The following CCDC148 variants were observed in gnomAD, a reference collection of about 807,000 sequenced individuals.
CCDC148 encodes coiled-coil domain-containing protein 148.
A neutral mutation model predicts 85.7 loss-of-function variants in CCDC148; 89 were observed. That is an observed-to-expected ratio of 1.04 (90% CI 0.87 to 1.24). The LOEUF is 1.24. CCDC148 is among the 50% of genes most tolerant of loss of function. The pLI is 0.00. For missense variants in CCDC148, 692 were observed against 671.7 expected (o/e 1.03, Z -0.33); for synonymous variants, 230 against 213.9 (o/e 1.08, Z -0.66).
At chr2:158,351,453 C>T (rs1040505568) in intron 2 of CCDC148, among the ~76,000 whole-genome samples, 116 of 64,094 alleles carry the variant, frequency 1.8e-3, no homozygotes, top group Admixed American at 3.0e-3. Context: ...GTTCCCTTTC[C>T]GAGTCAAAGA....
At chr2:158,397,825 C>T (rs1685595315) in intron 1 of CCDC148, among the ~76,000 whole-genome samples, 1 of 152,072 alleles carries the variant, frequency 6.6e-6, no homozygotes, top group Non-Finnish European at 1.5e-5. Flanking sequence ...AATTAAGAGA[C>T]ACAGACTAGC....
chr2:158,390,764 C>A (rs76664154), intron 1 of CCDC148, among the ~76,000 whole-genome samples: 8,297 of 152,202 alleles, frequency 0.055, 427 homozygotes, highest in African/African-American at 0.13. Flanking sequence ...TTTTGCGCTA[C>A]CTTTTTCGGC....
intron 1 of CCDC148, among the ~76,000 whole-genome samples, chr2:158,422,663 A>T (rs1443288291): frequency 6.6e-6 from 1 of 152,200 alleles, no homozygotes; most frequent in Admixed American, 6.5e-5. Context: ...ATTCCCTTTG[A>T]AAACTGGCAC....
At chr2:158,189,353 T>C (rs909804720) in intron 11 of CCDC148, among the ~76,000 whole-genome samples, 5 of 151,906 alleles carry the variant, frequency 3.3e-5, no homozygotes, top group Admixed American at 6.6e-5. Flanking sequence ...ACATCTTCTA[T>C]GTGTAAGGAA....
intron 1 of CCDC148, among the ~76,000 whole-genome samples, chr2:158,387,088 C>T (rs941218000): frequency 1.7e-4 from 26 of 152,100 alleles, no homozygotes; most frequent in African/African-American, 6.3e-4. Context: ...TCTGTCACAA[C>T]ATAATTTTCC....
intron 9 of CCDC148, among the ~76,000 whole-genome samples, chr2:158,282,462 C>A (rs191421810): frequency 3.3e-5 from 5 of 152,326 alleles, no homozygotes; most frequent in East Asian, 1.9e-4. Flanking sequence ...ACAAAAATCA[C>A]AAGCATTCCC....
At chr2:158,438,974 C>T (rs1157422577) in intron 1 of CCDC148, among the ~76,000 whole-genome samples, 3 of 152,154 alleles carry the variant, frequency 2.0e-5, no homozygotes, top group Admixed American at 6.5e-5. Flanking sequence ...AGTGAGGTAA[C>T]AACAGGTGTT....
At chr2:158,378,564 G>A (rs78760560) in intron 1 of CCDC148, among the ~76,000 whole-genome samples, 10,840 of 152,190 alleles carry the variant, frequency 0.071, 533 homozygotes, top group South Asian at 0.12. Context: ...ATGCCATCTA[G>A]GACTTTCATA....
At chr2:158,344,778 G>T (rs1433100018) in intron 3 of CCDC148, among the ~76,000 whole-genome samples, 1 of 152,044 alleles carries the variant, frequency 6.6e-6, no homozygotes, top group Admixed American at 6.6e-5. Flanking sequence ...TTGTTCATTA[G>T]TTCATCCATG....
intron 7 of CCDC148, among the ~76,000 whole-genome samples, chr2:158,334,210 G>A (rs1294830710): frequency 6.6e-6 from 1 of 152,098 alleles, no homozygotes; most frequent in Non-Finnish European, 1.5e-5. Context: ...ATGGTTCAGG[G>A]TTTCTTAGCT....
chr2:158,266,475 T>A (rs939627499), intron 9 of CCDC148, among the ~76,000 whole-genome samples: 7 of 152,296 alleles, frequency 4.6e-5, no homozygotes, highest in East Asian at 1.9e-4. Context: ...TTAAATTTTT[T>A]AATTTATTTC....
intron 11 of CCDC148, among the ~76,000 whole-genome samples, chr2:158,195,423 G>A (rs183871952): frequency 8.2e-4 from 125 of 152,126 alleles, no homozygotes; most frequent in Non-Finnish European, 1.3e-3. Flanking sequence ...ATTCATCATC[G>A]TTTAACATTC....
At chr2:158,337,519 T>G (rs1371309069) in intron 7 of CCDC148, among the ~76,000 whole-genome samples, 2 of 152,156 alleles carry the variant, frequency 1.3e-5, no homozygotes, top group Non-Finnish European at 2.9e-5. Flanking sequence ...ACGACTGAGT[T>G]CCAGTTAACA....
intron 9 of CCDC148, among the ~76,000 whole-genome samples, chr2:158,258,452 C>T (rs984596905): frequency 6.6e-6 from 1 of 151,822 alleles, no homozygotes. Context: ...AGTTTGAGTC[C>T]TACCTCTGTG....
chr2:158,289,923 T>G (rs892666594), intron 9 of CCDC148, among the ~76,000 whole-genome samples: 1 of 152,202 alleles, frequency 6.6e-6, no homozygotes, highest in Non-Finnish European at 1.5e-5. Context: ...CTTGATTCTA[T>G]TCACAGGAGT....
chr2:158,245,283 C>T (rs912682809), intron 10 of CCDC148, among the ~76,000 whole-genome samples: 1 of 152,126 alleles, frequency 6.6e-6, no homozygotes, highest in Non-Finnish European at 1.5e-5. Flanking sequence ...GGTGGGGGAA[C>T]ACCCAAGTGC....
At chr2:158,261,470 A>T (rs142913531) in intron 9 of CCDC148, among the ~76,000 whole-genome samples, 50 of 152,102 alleles carry the variant, frequency 3.3e-4, no homozygotes, top group African/African-American at 1.1e-3. Context: ...CAAAGATTTC[A>T]TTACAAAGAT....
At chr2:158,188,495 T>C (rs1458671663) in intron 11 of CCDC148, among the ~76,000 whole-genome samples, 1 of 151,896 alleles carries the variant, frequency 6.6e-6, no homozygotes, top group Non-Finnish European at 1.5e-5. Context: ...TGGACACACC[T>C]AGATTTTAAT....
intron 9 of CCDC148, among the ~76,000 whole-genome samples, chr2:158,256,260 C>G (rs1689007087): frequency 6.6e-6 from 1 of 151,654 alleles, no homozygotes; most frequent in African/African-American, 2.4e-5. Flanking sequence ...TCTTTGTCAC[C>G]AACAACAATA....
Sources: gnomAD v4.1 joint callset for allele counts (sites outside exome capture counted in the v4.1 genomes callset) on GRCh38, gnomAD v4.1.1 for gene constraint, MANE v1.5 for transcripts, NCBI Gene and HGNC (gene_info 2026-07-23, HGNC 2026-07-21) for gene names.